Variants in SEMA6D observed in about 807,000 individuals in gnomAD.
The protein encoded by SEMA6D is semaphorin 6D.
SEMA6D carries 35 observed loss-of-function variants against 106.6 expected under a neutral mutation model. The observed-to-expected ratio is 0.33, with a 90% CI of 0.25 to 0.44. The LOEUF (loss-of-function observed/expected upper bound fraction) is 0.44, where lower values mean the gene tolerates loss of function less well. Ranked by LOEUF, SEMA6D falls within the 20% of genes least tolerant of loss-of-function variation. The pLI is 1.00. For synonymous variants in SEMA6D, 499 were observed against 487.7 expected (o/e 1.02, Z -0.31); for missense variants, 1,185 against 1,345.9 (o/e 0.88, Z 1.87).
At chr15:47,400,499 A>AAAAAAAAAAT (rs1431873891) in intron 1 of SEMA6D, among the ~76,000 whole-genome samples, 1 of 152,000 alleles carries the variant, frequency 6.6e-6, no homozygotes, top group African/African-American at 2.4e-5. Context: ...AAAAAAAAAA[A>AAAAAAAAAAT]AAAATCCTTC....
chr15:47,607,556 G>A, intron 4 of SEMA6D, among the ~76,000 whole-genome samples: 1 of 152,208 alleles, frequency 6.6e-6, no homozygotes. Flanking sequence ...CAAGCAAGCA[G>A]ACAGTTTGAG....
At chr15:47,618,301 G>T (rs554856294) in intron 4 of SEMA6D, among the ~76,000 whole-genome samples, 2 of 152,326 alleles carry the variant, frequency 1.3e-5, no homozygotes, top group South Asian at 4.1e-4. Context: ...CATACAATCC[G>T]AGGAGGTTTT....
intron 1 of SEMA6D, among the ~76,000 whole-genome samples, chr15:47,352,353 A>C (rs75030826): frequency 1.8e-3 from 274 of 152,322 alleles, no homozygotes; most frequent in African/African-American, 6.4e-3. Flanking sequence ...AAGATGTCTT[A>C]TCTAGAGACG....
chr15:47,500,644 G>T (rs1021438433), intron 3 of SEMA6D, among the ~76,000 whole-genome samples: 7 of 152,144 alleles, frequency 4.6e-5, no homozygotes, highest in Non-Finnish European at 7.3e-5. Context: ...TCTTACAGAG[G>T]TTCTGACATC....
At chr15:47,265,975 A>G (rs945603236) in intron 1 of SEMA6D, among the ~76,000 whole-genome samples, 2 of 152,006 alleles carry the variant, frequency 1.3e-5, no homozygotes, top group Admixed American at 6.6e-5. Flanking sequence ...AAGCTCCACT[A>G]CTTGCTGGCT....
In SEMA6D at chr15:47,587,852, G is replaced by A. The variant is rs187258885; in HGVS notation, c.-86-13013G>A. Among the ~76,000 whole-genome samples the A allele has an allele frequency of 7.2e-5, 11 of 151,786 alleles. No individual in the cohort carries two copies. The East Asian group carries it at 2.1e-3, about 30-fold the overall frequency. ...TTCGGATTTCAGTAAATACTAGAAA[G>A]CCTGAATCTCCTCCCCTTTCTCCAT... is the stretch of plus-strand genomic sequence containing the variant. On this transcript the variant is annotated intron_variant, in intron 3 of 19. Transcript: ENST00000558014.
intron 3 of SEMA6D, among the ~76,000 whole-genome samples, chr15:47,542,379 T>A (rs1296263296): frequency 6.6e-6 from 1 of 152,206 alleles, no homozygotes; most frequent in Non-Finnish European, 1.5e-5. Flanking sequence ...TCCATTATGC[T>A]ATAGGTGCTA....
intron 4 of SEMA6D, among the ~76,000 whole-genome samples, chr15:47,676,513 C>T (rs1268982934): frequency 1.3e-5 from 2 of 152,182 alleles, no homozygotes; most frequent in Non-Finnish European, 2.9e-5. Flanking sequence ...GCAAAGGAGG[C>T]AAGTTTTCCA....
chr15:47,522,941 C>T (rs146254881), intron 3 of SEMA6D, among the ~76,000 whole-genome samples: 29 of 152,302 alleles, frequency 1.9e-4, no homozygotes, highest in African/African-American at 6.7e-4. Context: ...TACCTTTAGG[C>T]TTCCATGGAA....
At chr15:47,364,133 GAGTC>G (rs1456714414) in intron 1 of SEMA6D, among the ~76,000 whole-genome samples, 1 of 152,188 alleles carries the variant, frequency 6.6e-6, no homozygotes, top group Admixed American at 6.5e-5. Context: ...TTTGGGTTAA[GAGTC>G]AGGTTCAGCT....
intron 4 of SEMA6D, among the ~76,000 whole-genome samples, chr15:47,651,410 A>T (rs1012875356): frequency 6.6e-6 from 1 of 152,140 alleles, no homozygotes; most frequent in Non-Finnish European, 1.5e-5. Flanking sequence ...GCCTCTAAAA[A>T]AAAAACTAGT....
intron 1 of SEMA6D, among the ~76,000 whole-genome samples, chr15:47,371,273 G>T (rs146637418): frequency 6.6e-6 from 1 of 152,240 alleles, no homozygotes; most frequent in African/African-American, 2.4e-5. Context: ...CCAGTTTTCT[G>T]CCAGGTAAGG....
At chr15:47,185,037 G>T (rs1274775129) in intron 1 of SEMA6D, among the ~76,000 whole-genome samples, 1 of 152,118 alleles carries the variant, frequency 6.6e-6, no homozygotes, top group African/African-American at 2.4e-5. Flanking sequence ...CCGAAGCCCG[G>T]AGCGTCCCGC....
At chr15:47,747,003 T>TA (rs1555422789) in intron 1 of SEMA6D, among the ~76,000 whole-genome samples, 15 of 149,326 alleles carry the variant, frequency 1.0e-4, no homozygotes, top group African/African-American at 2.9e-4. Flanking sequence ...TATATATATA[T>TA]TTCGATTGTA....
At chr15:47,645,511 TTTCTTC>T (rs904331592) in intron 4 of SEMA6D, among the ~76,000 whole-genome samples, 2 of 151,910 alleles carry the variant, frequency 1.3e-5, no homozygotes, top group Non-Finnish European at 2.9e-5. Flanking sequence ...GAGTTTTTTT[TTTCTTC>T]TTCTTCTTCT....
intron 2 of SEMA6D, among the ~76,000 whole-genome samples, chr15:47,418,674 G>T (rs1469024036): frequency 6.6e-6 from 1 of 152,108 alleles, no homozygotes; most frequent in African/African-American, 2.4e-5. Flanking sequence ...ATTCAGAGCA[G>T]AGTAGGAAGA....
intron 1 of SEMA6D, among the ~76,000 whole-genome samples, chr15:47,329,091 G>T (rs1401098985): frequency 1.3e-5 from 2 of 152,168 alleles, no homozygotes; most frequent in Admixed American, 6.5e-5. Context: ...GCCTGACATG[G>T]TTCTTGGTGC....
At chr15:47,311,809 T>A (rs1352050225) in intron 1 of SEMA6D, among the ~76,000 whole-genome samples, 3 of 152,196 alleles carry the variant, frequency 2.0e-5, no homozygotes, top group Non-Finnish European at 4.4e-5. Flanking sequence ...CGGTGAGTTT[T>A]ATCCTGTGTC....
chr15:47,238,404 C>T (rs1261831816), intron 1 of SEMA6D, among the ~76,000 whole-genome samples: 1 of 152,078 alleles, frequency 6.6e-6, no homozygotes, highest in Non-Finnish European at 1.5e-5. Flanking sequence ...TGACCCCTCA[C>T]CCCCCAGAGT....
Sources: gnomAD v4.1 joint callset for allele counts (sites outside exome capture counted in the v4.1 genomes callset) on GRCh38, gnomAD v4.1.1 for gene constraint, MANE v1.5 for transcripts, NCBI Gene and HGNC (gene_info 2026-07-23, HGNC 2026-07-21) for gene names.